NUCB2: variants seen among roughly 807,000 people sequenced by gnomAD.
NUCB2 encodes nucleobindin-2.
Under a neutral mutation model 57.9 loss-of-function variants are expected in NUCB2, and 48 were observed. That is an observed-to-expected ratio of 0.83 (90% confidence interval 0.66 to 1.05). The LOEUF is 1.05. Among genes scored for constraint, NUCB2 ranks in the 50% least tolerant of loss-of-function variants. The probability of loss-of-function intolerance (pLI) is 0.00; values close to 1 mark genes in which losing one functional copy is unlikely to be tolerated. For missense variants in NUCB2, 442 were observed against 476.2 expected, an observed-to-expected ratio of 0.93 and a Z score of 0.67; for synonymous variants, 139 against 152.1, an observed-to-expected ratio of 0.91 and a Z score of 0.64.
intron 11 of NUCB2, chr11:17,317,821 G>A (rs1949461911): frequency 5.8e-6 from 1 of 170,994 alleles, no homozygotes; most frequent in African/African-American, 2.4e-5. Flanking sequence ...ACCATAGTGA[G>A]AGAATCAGAA....
chr11:17,311,634 TTGGAAAAAAA>T (rs1311729855), intron 8 of NUCB2, among the ~76,000 whole-genome samples: 1 of 152,132 alleles, frequency 6.6e-6, no homozygotes, highest in Non-Finnish European at 1.5e-5. Flanking sequence ...CTTTATATTT[TTGGAAAAAAA>T]TGGTCAAGAT....
rs1948183972 is a variant in NUCB2 at position 17,309,600 on chromosome 11, A to G, written c.408A>G (p.Leu136=). ...TAGGCATGGACCACCAAGCTCTTCT[A>G]AAACAATTTGATCACCTAAACCACC... ...QDIGMDHQAL[L]KQFDHLNHLN... The change falls in exon 6 of 14, where the codon CTA becomes CTG. Residue 136 remains leucine, a synonymous_variant. Coordinates refer to ENST00000529010, the MANE Select transcript of NUCB2 (RefSeq NM_005013.4). 6.2e-7 allele frequency: 1 copy of G among 1,603,738 alleles called. No homozygotes were observed. The highest frequency in any genetic ancestry group is 2.3e-5 in the East Asian group (1 of 44,166).
At position 17,301,730 on chromosome 11, in the gene NUCB2, A is replaced by T. The variant is rs745621207; in HGVS notation, c.253-14A>T. 1.3e-6 allele frequency: 2 copies of T among 1,598,590 alleles called. No individual in the cohort carries two copies. Among genetic ancestry groups the T allele is most frequent in the Non-Finnish European group, 1.7e-6 (2 of 1,167,020 alleles). On this transcript the variant is annotated splice_polypyrimidine_tract_variant and intron_variant, in intron 4 of 13. Transcript: ENST00000529010. The stretch of plus-strand genomic sequence containing the variant: ...ATGTAATAGATAAAACTAACTTACT[A>T]ATTTTGTTAACAGAGTGGGAGGCTA...
intron 11 of NUCB2, among the ~76,000 whole-genome samples, chr11:17,322,027 C>A (rs1273778904): frequency 6.6e-6 from 1 of 152,054 alleles, no homozygotes; most frequent in Non-Finnish European, 1.5e-5. Flanking sequence ...CAATTATTTT[C>A]TCTCATTCTG....
intron 11 of NUCB2, among the ~76,000 whole-genome samples, chr11:17,323,070 A>G (rs993175249): frequency 6.6e-6 from 1 of 151,938 alleles, no homozygotes; most frequent in African/African-American, 2.4e-5. Context: ...GATGCCCTTT[A>G]TATCTTTCTC....
chr11:17,324,661 C>T (rs1207648965), intron 11 of NUCB2, among the ~76,000 whole-genome samples: 2 of 151,766 alleles, frequency 1.3e-5, no homozygotes, highest in African/African-American at 4.8e-5. Context: ...CTTGATCTCC[C>T]AACCTCAAGT....
intron 4 of NUCB2, 129 bp downstream of exon 4, chr11:17,296,340 C>T: frequency 8.8e-6 from 4 of 455,194 alleles, no homozygotes; most frequent in Non-Finnish European, 1.5e-5. Flanking sequence ...ACCTCAGTCT[C>T]TCCAGTAGTT....
At position 17,330,295 on chromosome 11, in the gene NUCB2, C is replaced by T; in HGVS notation, c.1171C>T (p.Gln391Ter). ...GGAGGCTCAGAAGCTGGAATATCAT[C>T]AGGTGGCATTTTGTCAAAAGATTAT... ...QLEAQKLEYH[Q>*]VIQQMEQKKL... Residue 391 changes from glutamine to a stop codon, truncating the protein, a stop_gained and splice_region_variant, in exon 12 of 14, where the codon CAG (glutamine) becomes TAG (stop). Coordinates refer to ENST00000529010, the MANE Select transcript of NUCB2 (RefSeq NM_005013.4). LOFTEE classifies it high-confidence loss of function. The surrounding 1 kb of genome is among the most constrained non-coding windows in gnomAD (Gnocchi z 4.3). 1 of 1,588,390 alleles carries T rather than the reference C, an allele frequency of 6.3e-7. No individual in the cohort carries two copies. Among genetic ancestry groups the T allele is most frequent in the Non-Finnish European group, 8.5e-7 (1 of 1,173,178 alleles).
Position 17,331,472 on chromosome 11 carries a change from C to A in NUCB2, c.*53C>A. The A allele has an allele frequency of 1.6e-5, 20 of 1,221,462 alleles. No homozygotes were observed. Among genetic ancestry groups the A allele is most frequent in the Non-Finnish European group, 2.1e-5 (19 of 905,394 alleles). The allele number at this position is 1,221,462 out of a possible 1,614,324, so 75.7% of individuals were successfully genotyped here. On this transcript the variant is annotated 3_prime_UTR_variant, in exon 14 of 14. Transcript: ENST00000529010. ...AAAGCTGTTAACTCAACATCTATTT[C>A]ATCTTTTTAGCTCCCTTCCTTTTTC...
At chr11:17,344,623 A>C (rs1280954378) in intron 2 of NUCB2, among the ~76,000 whole-genome samples, 1 of 152,194 alleles carries the variant, frequency 6.6e-6, no homozygotes, top group Non-Finnish European at 1.5e-5. Flanking sequence ...CTTTCAAACA[A>C]ATTCTTCCCT....
chr11:17,280,762 G>A (rs1317513355), intron 1 of NUCB2, among the ~76,000 whole-genome samples: 1 of 152,186 alleles, frequency 6.6e-6, no homozygotes, highest in Non-Finnish European at 1.5e-5. Context: ...CTGTAAGACC[G>A]GGCATGATGG....
At chr11:17,329,860 G>A (rs916506446) in intron 11 of NUCB2, among the ~76,000 whole-genome samples, 6 of 152,246 alleles carry the variant, frequency 3.9e-5, no homozygotes, top group African/African-American at 7.2e-5. Context: ...CTCTTCCCAC[G>A]TTCTCTTTGC....
At position 17,330,677 on chromosome 11, in the gene NUCB2, G is replaced by A. The variant is rs1591589936; in HGVS notation, c.1174-225G>A. On this transcript the variant is annotated intron_variant, in intron 12 of 13. Coordinates refer to ENST00000529010, the MANE Select transcript of NUCB2 (RefSeq NM_005013.4). This position sits in a 1 kb window ranked among gnomAD's most constrained non-coding sequence, Gnocchi z 4.3. ...AGAGACCAGGTCTCATTGTGTTGCC[G>A]AGGCTGGTCTCGAACTCCTGGCCTT... Among the ~76,000 whole-genome samples, 1 of 152,062 alleles carries A rather than the reference G, an allele frequency of 6.6e-6. No individual in the cohort carries two copies. The highest frequency in any genetic ancestry group is 1.5e-5 in the Non-Finnish European group (1 of 68,010).
intron 10 of NUCB2, among the ~76,000 whole-genome samples, chr11:17,313,548 A>G (rs1948818849): frequency 6.6e-6 from 1 of 151,712 alleles, no homozygotes; most frequent in Non-Finnish European, 1.5e-5. Flanking sequence ...ACCAAAGCAA[A>G]CCCTTTTTTC....
At chr11:17,294,633 T>G (rs866780998) in intron 2 of NUCB2, among the ~76,000 whole-genome samples, 1 of 149,558 alleles carries the variant, frequency 6.7e-6, no homozygotes, top group Admixed American at 6.7e-5. Flanking sequence ...AATGGGGTTA[T>G]GTGTTCTTTT....
chr11:17,301,878 C>A lies in NUCB2; in HGVS notation c.379+8C>A. ...AGTTGGATTCCCTTCAAGGTAAGTG[C>A]TAAACAAAAGGTAGGATTTTTTTTT... On this transcript the variant is annotated splice_region_variant and intron_variant, in intron 5 of 13. Coordinates refer to ENST00000529010, the MANE Select transcript of NUCB2 (RefSeq NM_005013.4). The A allele has an allele frequency of 6.2e-7, 1 of 1,602,732 alleles. No individual in the cohort carries two copies. Among genetic ancestry groups the A allele is most frequent in the Non-Finnish European group, 8.5e-7 (1 of 1,175,538 alleles).
chr11:17,307,927 T>G (rs1947940189), intron 5 of NUCB2, among the ~76,000 whole-genome samples: 1 of 152,166 alleles, frequency 6.6e-6, no homozygotes, highest in Non-Finnish European at 1.5e-5. Context: ...TCATCAAACT[T>G]TAGGAGTTTT....
intron 2 of NUCB2, among the ~76,000 whole-genome samples, chr11:17,294,678 T>TAA (rs34406631): frequency 1.4e-3 from 141 of 102,618 alleles, no homozygotes; most frequent in Non-Finnish European, 1.7e-3. Context: ...CGTGTTGCCT[T>TAA]AAAAAAAAAA....
intron 5 of NUCB2, among the ~76,000 whole-genome samples, chr11:17,303,461 CA>C (rs967476876): frequency 1.8e-4 from 27 of 150,986 alleles, no homozygotes; most frequent in South Asian, 4.2e-4. Flanking sequence ...TTTGATGTAT[CA>C]AAAAAAAGTC....
Sources: allele counts gnomAD v4.1 joint callset (sites outside exome capture counted in the v4.1 genomes callset), GRCh38; gene constraint gnomAD v4.1.1; non-coding constraint Gnocchi (gnomAD v3.1); transcripts MANE v1.5; gene names NCBI Gene and HGNC (gene_info 2026-07-23, HGNC 2026-07-21).